Variants in ARMC9 observed in about 807,000 individuals in gnomAD.
ARMC9 encodes armadillo repeat containing 9.
ARMC9 carries 94 observed loss-of-function variants against 107.0 expected under a neutral mutation model. The observed-to-expected ratio is 0.88, with a 90% CI of 0.74 to 1.04. ARMC9 has a LOEUF of 1.04. ARMC9 is among the 50% of genes least tolerant of loss of function. The pLI, the probability that ARMC9 is intolerant of heterozygous loss-of-function variation, is 0.00. For missense variants in ARMC9, 942 were observed against 1,030.1 expected (o/e 0.91, Z 1.17); for synonymous variants, 380 against 396.9 (o/e 0.96, Z 0.51).
At chr2:231,336,427 C>A (rs944836061) in intron 20 of ARMC9, among the ~76,000 whole-genome samples, 1 of 152,236 alleles carries the variant, frequency 6.6e-6, no homozygotes, top group East Asian at 1.9e-4. Context: ...CGCTTCCAGG[C>A]GTCACCTGAG....
intron 21 of ARMC9, 90 bp downstream of exon 21, chr2:231,345,180 TAAAG>T (rs2125584243): frequency 5.1e-6 from 8 of 1,555,518 alleles, no homozygotes; most frequent in Non-Finnish European, 6.9e-6. Context: ...AAATTCAAAA[TAAAG>T]CATTCATTTT....
chr2:231,231,501 G>C (rs79421283), intron 7 of ARMC9, among the ~76,000 whole-genome samples: 18,690 of 150,290 alleles, frequency 0.12, 2,257 homozygotes, highest in African/African-American at 0.31. Context: ...CTAGTGCCTC[G>C]GCCACCTGAG....
At chr2:231,261,827 C>CT (rs776868487) in intron 11 of ARMC9, among the ~76,000 whole-genome samples, 7,797 of 144,944 alleles carry the variant, frequency 0.054, 295 homozygotes, top group Non-Finnish European at 0.082. Context: ...ATCACAGGTT[C>CT]TTTTTTTTTT....
At position 231,375,326 on chromosome 2, in the gene ARMC9, C is replaced by T. The variant is rs2046163970; in HGVS notation, c.*3791C>T. On this transcript the variant is annotated 3_prime_UTR_variant, in exon 25 of 25. Coordinates refer to ENST00000611582, the MANE Select transcript of ARMC9 (RefSeq NM_001352754.2). The surrounding 1 kb of genome is among the most constrained non-coding windows in gnomAD (Gnocchi z 4.3). ...GCAGTTAGAGAAATCAAGCCCAAGT[C>T]TCATATCACGTTCACTATTCTCCCA... Among the ~76,000 whole-genome samples the T allele has an allele frequency of 6.6e-6, 1 of 152,192 alleles. No individual in the cohort carries two copies. Among genetic ancestry groups the T allele is most frequent in the Non-Finnish European group, 1.5e-5 (1 of 68,046 alleles).
chr2:231,214,700 TG>T, intron 3 of ARMC9, 130 bp from the exon 4 acceptor site: 1 of 958,136 alleles, frequency 1.0e-6, no homozygotes, highest in Admixed American at 2.8e-5. Context: ...TTGAATCCTG[TG>T]GGATCTCTAT....
chr2:231,240,241 G>A, intron 9 of ARMC9, 200 bp downstream of exon 9: 1 of 589,522 alleles, frequency 1.7e-6, no homozygotes, highest in East Asian at 2.9e-5. Flanking sequence ...TAGGGAGGGT[G>A]AGGAGAGAGG....
chr2:231,309,431 G>A (rs2042213009), intron 19 of ARMC9, among the ~76,000 whole-genome samples: 8 of 152,168 alleles, frequency 5.3e-5, no homozygotes, highest in Admixed American at 5.2e-4. Context: ...ATTTTATGTA[G>A]TGAAGCATAT....
chr2:231,287,572 C>T (rs902454906), intron 17 of ARMC9, among the ~76,000 whole-genome samples: 4 of 152,052 alleles, frequency 2.6e-5, no homozygotes, highest in Non-Finnish European at 4.4e-5. Context: ...TTCCTTTCGA[C>T]GGGGTCTCAC....
chr2:231,295,555 C>G (rs2041302386), intron 18 of ARMC9: 1 of 152,286 alleles, frequency 6.6e-6, no homozygotes, highest in African/African-American at 2.4e-5. Context: ...TGGTACAACC[C>G]CCATTCTACA....
chr2:231,206,432 G>A (rs1335396908), intron 2 of ARMC9, 143 bp downstream of exon 2: 5 of 705,168 alleles, frequency 7.1e-6, no homozygotes, highest in Admixed American at 3.7e-5. Context: ...AATATTCCAT[G>A]TATTTACATT....
intron 2 of ARMC9, among the ~76,000 whole-genome samples, chr2:231,206,859 G>A (rs1434473702): frequency 6.6e-6 from 1 of 152,184 alleles, no homozygotes; most frequent in Non-Finnish European, 1.5e-5. Flanking sequence ...GAAATGGTTC[G>A]CGCTTGCTGC....
chr2:231,369,494 A>G (rs553744084), intron 23 of ARMC9, among the ~76,000 whole-genome samples: 58 of 151,580 alleles, frequency 3.8e-4, no homozygotes, highest in African/African-American at 1.4e-3. Flanking sequence ...GGGTCTCACC[A>G]TATTGGTCAG....
chr2:231,275,923 A>C (rs1310189900), intron 14 of ARMC9, among the ~76,000 whole-genome samples: 2 of 152,226 alleles, frequency 1.3e-5, no homozygotes, highest in African/African-American at 2.4e-5. Flanking sequence ...ATTGCACTCC[A>C]GCCTGGGCAA....
At chr2:231,367,855 C>T (rs938848563) in intron 23 of ARMC9, among the ~76,000 whole-genome samples, 16 of 151,542 alleles carry the variant, frequency 1.1e-4, no homozygotes, top group African/African-American at 7.3e-5. Flanking sequence ...TGGTGGCGGG[C>T]GCCTGTAATT....
intron 19 of ARMC9, among the ~76,000 whole-genome samples, chr2:231,302,496 C>G (rs1045014958): frequency 1.4e-4 from 16 of 110,864 alleles, no homozygotes; most frequent in African/African-American, 4.8e-4. Context: ...CAGAAAAACA[C>G]AGTTTGATCT....
intron 9 of ARMC9, among the ~76,000 whole-genome samples, chr2:231,246,555 G>A (rs1404793937): frequency 4.6e-5 from 7 of 152,220 alleles, no homozygotes; most frequent in Admixed American, 1.3e-4. Context: ...TTATGGTTTC[G>A]TAGTATTCCA....
At position 231,272,915 on chromosome 2, in the gene ARMC9, T is replaced by C; in HGVS notation, c.1211-40T>C. Reference sequence around the variant, plus strand: ...GTTTTGTAGCATACCAGATAAATTATTTCTGTCTTTCACCTGTTTCATCTC... The same window carrying C: ...GTTTTGTAGCATACCAGATAAATTACTTCTGTCTTTCACCTGTTTCATCTC... On this transcript the variant is annotated intron_variant, in intron 13 of 24. Coordinates refer to ENST00000611582, the MANE Select transcript of ARMC9 (RefSeq NM_001352754.2). 2.5e-6 allele frequency: 4 copies of C among 1,601,132 alleles called. No individual in the cohort carries two copies. In the South Asian group the frequency reaches 4.5e-5, roughly 18 times the overall value.
At position 231,210,610 on chromosome 2, in the gene ARMC9, G is replaced by GTT. The variant is rs1233278391; in HGVS notation, c.177+2358_177+2359insTT. ...AGATGATGTGATGATACAGGGTAAG[G>GTT]CCAACAGGCCCTGTGCCTTGAAGCT... is the stretch of plus-strand genomic sequence containing the variant. On this transcript the variant is annotated intron_variant, in intron 3 of 24. Coordinates refer to ENST00000611582, the MANE Select transcript of ARMC9 (RefSeq NM_001352754.2). Among the ~76,000 whole-genome samples the GTT allele has an allele frequency of 7.7e-4, 117 of 152,350 alleles. 1 individual carries two copies. Among genetic ancestry groups the GTT allele is most frequent in the African/African-American group, 2.6e-3 (109 of 41,578 alleles).
intron 23 of ARMC9, among the ~76,000 whole-genome samples, chr2:231,368,930 C>A (rs1042499052): frequency 1.3e-5 from 2 of 151,988 alleles, no homozygotes; most frequent in African/African-American, 2.4e-5. Context: ...GCCTATTTTT[C>A]TAATTATTAA....
Sources: gnomAD v4.1 joint callset for allele counts (sites outside exome capture counted in the v4.1 genomes callset) on GRCh38, gnomAD v4.1.1 for gene constraint, Gnocchi (gnomAD v3.1) non-coding constraint, MANE v1.5 for transcripts, NCBI Gene and HGNC (gene_info 2026-07-23, HGNC 2026-07-21) for gene names.